Variants in IBTK observed in about 807,000 individuals in gnomAD.
The protein encoded by IBTK is BTK-binding protein.
IBTK carries 83 observed loss-of-function variants against 154.9 expected under a neutral mutation model. That is an observed-to-expected ratio of 0.54 (90% CI 0.45 to 0.64). IBTK has a LOEUF of 0.64. IBTK is among the 30% of genes least tolerant of loss of function. The probability of loss-of-function intolerance (pLI) is 0.00; values close to 1 mark genes in which losing one functional copy is unlikely to be tolerated. For synonymous variants in IBTK, 515 were observed against 536.1 expected, an observed-to-expected ratio of 0.96 and a Z score of 0.54; for missense variants, 1,332 against 1,584.6, an observed-to-expected ratio of 0.84 and a Z score of 2.71.
At chr6:82,205,044 A>G (rs946705509) in intron 16 of IBTK, 86 bp from the exon 17 acceptor site, 72 of 620,550 alleles carry the variant, frequency 1.2e-4, no homozygotes, top group Non-Finnish European at 1.8e-4. Flanking sequence ...AGTACACTAG[A>G]AAAGAGATTT....
At position 82,173,066 on chromosome 6, in the gene IBTK, A is replaced by T. The variant is rs557127354; in HGVS notation, c.3797+301T>A. ...GCCCCGGCTGGAGTACAGTGGCATG[A>T]TCGCGGCTCAATGCAATCTCTGCCT... On this transcript the variant is annotated intron_variant, in intron 27 of 28. Coordinates refer to ENST00000306270, the MANE Select transcript of IBTK (RefSeq NM_015525.4). The T allele has an allele frequency of 2.1e-4, 44 of 210,056 alleles. 1 individual carries two copies. The South Asian group carries it at 6.8e-3, about 33-fold the overall frequency. 13.0% of individuals were successfully genotyped at this position (210,056 alleles called of 1,614,324 possible).
chr6:82,244,187 G>T (rs565295232), intron 1 of IBTK, among the ~76,000 whole-genome samples: 6 of 152,134 alleles, frequency 3.9e-5, no homozygotes, highest in African/African-American at 9.6e-5. Context: ...CACTAAATAT[G>T]CATTCGACAA....
intron 9 of IBTK, among the ~76,000 whole-genome samples, chr6:82,218,626 T>C (rs1442856272): frequency 1.3e-5 from 2 of 152,164 alleles, no homozygotes; most frequent in African/African-American, 4.8e-5. Flanking sequence ...CAGAATTCAA[T>C]GGTTGTAAAT....
intron 23 of IBTK, among the ~76,000 whole-genome samples, chr6:82,193,768 G>A (rs928425948): frequency 4.6e-5 from 7 of 151,920 alleles, no homozygotes; most frequent in Admixed American, 1.3e-4. Context: ...TGTAACCTCC[G>A]CCTCCCGGGT....
At chr6:82,235,843 T>C (rs1285129910) in intron 2 of IBTK, among the ~76,000 whole-genome samples, 2 of 152,114 alleles carry the variant, frequency 1.3e-5, no homozygotes, top group African/African-American at 4.8e-5. Context: ...TCAAGCATGT[T>C]CCTATTTGTT....
intron 1 of IBTK, among the ~76,000 whole-genome samples, chr6:82,241,388 C>T (rs1285980042): frequency 3.9e-5 from 6 of 152,176 alleles, no homozygotes; most frequent in Non-Finnish European, 8.8e-5. Context: ...TCAGTTACTC[C>T]GTTTTTACTA....
At chr6:82,172,871 A>C (rs761125649) in intron 27 of IBTK, 3 of 215,966 alleles carry the variant, frequency 1.4e-5, no homozygotes, top group Non-Finnish European at 2.7e-5. Context: ...AAGTACCAGG[A>C]AATGGGGAGG....
intron 9 of IBTK, among the ~76,000 whole-genome samples, chr6:82,218,633 A>C (rs1769960143): frequency 6.6e-6 from 1 of 152,212 alleles, no homozygotes; most frequent in Non-Finnish European, 1.5e-5. Flanking sequence ...CAATGGTTGT[A>C]AATGGTTCTG....
At chr6:82,235,989 G>T (rs574199722) in intron 2 of IBTK, among the ~76,000 whole-genome samples, 5 of 151,904 alleles carry the variant, frequency 3.3e-5, no homozygotes, top group Admixed American at 3.3e-4. Context: ...TTCTCCTGCC[G>T]CAGCCTCCCC....
chr6:82,208,375 C>G (rs143986847), intron 16 of IBTK, among the ~76,000 whole-genome samples: 44 of 152,132 alleles, frequency 2.9e-4, no homozygotes, highest in Non-Finnish European at 4.3e-4. Flanking sequence ...TAGAAGAAAA[C>G]ATACAGGGTA....
At chr6:82,182,376 A>C (rs1030794572) in intron 25 of IBTK, among the ~76,000 whole-genome samples, 13 of 152,060 alleles carry the variant, frequency 8.5e-5, no homozygotes, top group Non-Finnish European at 1.8e-4. Context: ...TGAAAATTCA[A>C]GAATTTTTAA....
intron 25 of IBTK, among the ~76,000 whole-genome samples, chr6:82,184,578 T>A (rs1296523820): frequency 6.6e-6 from 1 of 152,210 alleles, no homozygotes; most frequent in East Asian, 1.9e-4. Context: ...TTTGCCTGGT[T>A]GGAACTTCAA....
At chr6:82,181,078 G>C (rs1768302850) in intron 26 of IBTK, among the ~76,000 whole-genome samples, 1 of 151,976 alleles carries the variant, frequency 6.6e-6, no homozygotes, top group South Asian at 2.1e-4. Context: ...AAATACATTG[G>C]ACTTTCTAAA....
chr6:82,193,523 A>G (rs1454174999), intron 23 of IBTK, among the ~76,000 whole-genome samples: 1 of 152,198 alleles, frequency 6.6e-6, no homozygotes, highest in Non-Finnish European at 1.5e-5. Flanking sequence ...TCTGCAAAAT[A>G]TAGCCTATTT....
At chr6:82,176,505 G>A (rs1196708053) in intron 26 of IBTK, among the ~76,000 whole-genome samples, 18 of 133,240 alleles carry the variant, frequency 1.4e-4, no homozygotes, top group Non-Finnish European at 2.6e-4. Context: ...TGGGTGACAA[G>A]AGCGAGAGTC....
chr6:82,172,330 A>G, intron 28 of IBTK, 50 bp downstream of exon 28: 3 of 1,553,454 alleles, frequency 1.9e-6, no homozygotes, highest in Non-Finnish European at 2.6e-6. Flanking sequence ...AAACCTAAGT[A>G]GGAAATGTAG....
At chr6:82,226,836 C>G (rs1770316590) in intron 5 of IBTK, among the ~76,000 whole-genome samples, 1 of 152,114 alleles carries the variant, frequency 6.6e-6, no homozygotes, top group Non-Finnish European at 1.5e-5. Context: ...GAACTCCCGA[C>G]CTCAGGTGAT....
chr6:82,176,247 G>A (rs530019757), intron 26 of IBTK, among the ~76,000 whole-genome samples: 44 of 151,814 alleles, frequency 2.9e-4, no homozygotes, highest in African/African-American at 1.0e-3. Flanking sequence ...AGCTCAGCTG[G>A]GCACAGTGGC....
At chr6:82,175,213 C>A (rs181971872) in intron 26 of IBTK, among the ~76,000 whole-genome samples, 12 of 152,056 alleles carry the variant, frequency 7.9e-5, no homozygotes, top group Admixed American at 7.2e-4. Flanking sequence ...TTTTAGTATA[C>A]GATAATGAAA....
Sources: gnomAD v4.1 joint callset for allele counts (sites outside exome capture counted in the v4.1 genomes callset) on GRCh38, gnomAD v4.1.1 for gene constraint, MANE v1.5 for transcripts, NCBI Gene and HGNC (gene_info 2026-07-23, HGNC 2026-07-21) for gene names.